The following CCDC141 variants were observed in gnomAD, a reference collection of about 807,000 sequenced individuals.
CCDC141 encodes the protein coiled-coil domain containing 141.
In CCDC141, 168 loss-of-function variants were observed where a neutral mutation model predicts 181.0. The ratio of observed to expected loss-of-function variants is 0.93; its 90% CI spans 0.82 to 1.05. CCDC141 has a LOEUF of 1.05. CCDC141 is among the 50% of genes least tolerant of loss of function. The pLI is 0.00. For synonymous variants in CCDC141, 666 were observed against 642.3 expected (o/e 1.04, Z -0.56); for missense variants, 1,902 against 1,788.5 (o/e 1.06, Z -1.14).
rs1689627637 is a variant in CCDC141 at position 178,944,000 on chromosome 2, GA to G, written c.897+534del. On this transcript the variant is annotated intron_variant, in intron 6 of 23. Coordinates refer to ENST00000443758, the MANE Select transcript of CCDC141 (RefSeq NM_173648.4). Reference sequence around the variant, plus strand: ...TGGAACAGCAATCAAATTATATCTGGAAGTCATAAAAGTGATGACTCATAGT... The same window carrying G: ...TGGAACAGCAATCAAATTATATCTGGAGTCATAAAAGTGATGACTCATAGT... Among the ~76,000 whole-genome samples the G allele has an allele frequency of 2.6e-5, 4 of 152,112 alleles. No individual in the cohort carries two copies. The South Asian group carries it at 6.2e-4, about 24-fold the overall frequency.
At chr2:179,015,745 T>TATATATC (rs2042504946) in intron 2 of CCDC141, among the ~76,000 whole-genome samples, 1 of 63,700 alleles carries the variant, frequency 1.6e-5, no homozygotes, top group African/African-American at 3.6e-5. Context: ...ATATATATCT[T>TATATATC]ATATATATCT....
the CCDC141 span, chr2:178,817,793 TCCTCCCTC>T: frequency 9.2e-6 from 2 of 218,286 alleles, no homozygotes; most frequent in African/African-American, 7.2e-5. Flanking sequence ...CTTCCTTCCT[TCCTCCCTC>T]CCTCCCTCCC....
At chr2:179,028,178 G>T (rs2042908063) in intron 2 of CCDC141, among the ~76,000 whole-genome samples, 1 of 152,106 alleles carries the variant, frequency 6.6e-6, no homozygotes, top group Non-Finnish European at 1.5e-5. Flanking sequence ...TCCTGTTTTT[G>T]TTCACCTAAG....
intron 6 of CCDC141, among the ~76,000 whole-genome samples, chr2:178,929,600 AT>A (rs1366813805): frequency 1.3e-5 from 2 of 152,180 alleles, no homozygotes; most frequent in Non-Finnish European, 2.9e-5. Context: ...TACCTCAGTA[AT>A]GTATCTAGGA....
At chr2:179,023,473 G>T (rs2042743755) in intron 2 of CCDC141, among the ~76,000 whole-genome samples, 3 of 152,086 alleles carry the variant, frequency 2.0e-5, no homozygotes, top group Admixed American at 6.5e-5. Context: ...ATATTAAACA[G>T]ATTAATACAT....
intron 4 of CCDC141, among the ~76,000 whole-genome samples, chr2:178,972,592 G>A (rs1366715741): frequency 6.6e-6 from 1 of 152,166 alleles, no homozygotes; most frequent in East Asian, 1.9e-4. Context: ...TTTCTCACGA[G>A]GTTATGGGTT....
At chr2:178,994,092 T>C (rs1266385089) in intron 2 of CCDC141, among the ~76,000 whole-genome samples, 2 of 152,196 alleles carry the variant, frequency 1.3e-5, no homozygotes, top group Non-Finnish European at 2.9e-5. Flanking sequence ...TCAGTGGATC[T>C]ACCATTCTGG....
intron 5 of CCDC141, among the ~76,000 whole-genome samples, chr2:178,956,447 G>T (rs1690165803): frequency 6.6e-6 from 1 of 152,034 alleles, no homozygotes; most frequent in African/African-American, 2.4e-5. Context: ...CAGGAGCATG[G>T]CACCATGCCT....
chr2:178,860,462 G>A (rs1288053742), intron 17 of CCDC141, among the ~76,000 whole-genome samples: 1 of 150,032 alleles, frequency 6.7e-6, no homozygotes, highest in African/African-American at 2.5e-5. Flanking sequence ...GAACCCGGGA[G>A]GCAGATGTTG....
At chr2:178,934,277 T>A (rs1689204309) in intron 6 of CCDC141, among the ~76,000 whole-genome samples, 1 of 152,140 alleles carries the variant, frequency 6.6e-6, no homozygotes, top group Admixed American at 6.6e-5. Context: ...TTCTGATGTG[T>A]AAGAGAAGGA....
chr2:178,953,779 C>T (rs1690051978), intron 5 of CCDC141, among the ~76,000 whole-genome samples: 1 of 152,162 alleles, frequency 6.6e-6, no homozygotes, highest in African/African-American at 2.4e-5. Context: ...TTAAGCTGTT[C>T]AGTCATTCAA....
chr2:178,978,696 C>T (rs1391839026), intron 2 of CCDC141, 21 bp from the exon 3 acceptor site: 2 of 1,490,860 alleles, frequency 1.3e-6, no homozygotes, highest in African/African-American at 1.4e-5. Context: ...AAGAAAAAGG[C>T]ATAAGGCAGG....
intron 4 of CCDC141, among the ~76,000 whole-genome samples, 195 bp from the exon 5 acceptor site, chr2:178,961,678 C>T (rs969083465): frequency 2.0e-5 from 3 of 152,130 alleles, no homozygotes; most frequent in East Asian, 1.9e-4. Context: ...ACACCTTAGC[C>T]GAACAATTGT....
chr2:178,963,906 GAGA>G (rs5836665), intron 4 of CCDC141, among the ~76,000 whole-genome samples: 64,498 of 151,630 alleles, frequency 0.43, 14,253 homozygotes, highest in East Asian at 0.7. Context: ...TCAACCAGGT[GAGA>G]AGAATGGGAG....
intron 8 of CCDC141, 118 bp from the exon 9 acceptor site, chr2:178,888,786 A>G: frequency 9.4e-7 from 1 of 1,068,894 alleles, no homozygotes; most frequent in Non-Finnish European, 1.3e-6. Context: ...GCTTTAGGAT[A>G]ACAGAAGTTA....
chr2:178,986,369 G>C (rs1270455269), intron 2 of CCDC141, among the ~76,000 whole-genome samples: 1 of 152,134 alleles, frequency 6.6e-6, no homozygotes, highest in East Asian at 1.9e-4. Context: ...CATACTGAAT[G>C]GGCAAAAACT....
At chr2:178,828,523 C>A (rs1043215155), downstream of CCDC141, among the ~76,000 whole-genome samples, 25 of 152,110 alleles carry the variant, frequency 1.6e-4, no homozygotes, top group African/African-American at 5.8e-4. Context: ...AATAAAAATG[C>A]ATTTTAAAAG....
chr2:178,874,419 A>AG (rs1686265395), intron 12 of CCDC141: 1 of 152,242 alleles, frequency 6.6e-6, no homozygotes, highest in East Asian at 1.9e-4. Flanking sequence ...GTGGGCATTG[A>AG]ATATTATGAT....
intron 2 of CCDC141, among the ~76,000 whole-genome samples, chr2:178,991,107 C>A (rs1422695676): frequency 1.3e-5 from 2 of 152,160 alleles, no homozygotes; most frequent in Non-Finnish European, 2.9e-5. Flanking sequence ...ACTAGTTTTG[C>A]CCACGACTGT....
Sources: allele counts gnomAD v4.1 joint callset (sites outside exome capture counted in the v4.1 genomes callset), GRCh38; gene constraint gnomAD v4.1.1; transcripts MANE v1.5; gene names NCBI Gene and HGNC (gene_info 2026-07-23, HGNC 2026-07-21).